The following HKDC1 variants were observed in gnomAD, a reference collection of about 807,000 sequenced individuals.
HKDC1 encodes hexokinase HKDC1.
A neutral mutation model predicts 96.6 loss-of-function variants in HKDC1; 66 were observed. That is an observed-to-expected ratio of 0.68 (90% CI 0.56 to 0.84). HKDC1 has a LOEUF of 0.84. Ranked by LOEUF, HKDC1 falls within the 40% of genes least tolerant of loss-of-function variation. The pLI, the probability that HKDC1 is intolerant of heterozygous loss-of-function variation, is 0.00. For missense variants in HKDC1, 1,211 were observed against 1,208.1 expected, an observed-to-expected ratio of 1.00 and a Z score of -0.04; for synonymous variants, 466 against 473.1, an observed-to-expected ratio of 0.98 and a Z score of 0.20.
In HKDC1 at chr10:69,250,622, A is replaced by G. The variant is rs1201368315; in HGVS notation, c.1806A>G (p.Ser602=). The G allele has an allele frequency of 6.2e-7, 1 of 1,613,714 alleles. No homozygotes were observed. Among genetic ancestry groups the G allele is most frequent in the Non-Finnish European group, 8.5e-7 (1 of 1,179,978 alleles). ...CCCTACCTTTGGGCTTCACATTCTC[A>G]TTTCCCTGCAGGCAGATGAGCATTG... is the stretch of plus-strand genomic sequence containing the variant. ...GASLPLGFTF[S]FPCRQMSIDK... Residue 602 remains serine (S), a synonymous_variant, in exon 12 of 18, where the codon TCA becomes TCG. Transcript: ENST00000354624.
At chr10:69,266,463 T>TAAA (rs35672201) in intron 17 of HKDC1, 147 bp from the exon 18 acceptor site, 31,210 of 540,874 alleles carry the variant, frequency 0.058, 82 homozygotes, top group South Asian at 0.11. Flanking sequence ...AGACCATGTC[T>TAAA]AAAAAAAAAA....
intron 14 of HKDC1, among the ~76,000 whole-genome samples, chr10:69,258,122 C>G (rs1253714817): frequency 6.6e-6 from 1 of 152,180 alleles, no homozygotes; most frequent in East Asian, 1.9e-4. Flanking sequence ...TGAGTTATCT[C>G]CCATGCCAGG....
chr10:69,236,571 G>A (rs187000066), intron 4 of HKDC1, among the ~76,000 whole-genome samples: 14 of 151,830 alleles, frequency 9.2e-5, no homozygotes, highest in African/African-American at 3.4e-4. Context: ...ACCTGAGGTC[G>A]GGAGTTCGAG....
At chr10:69,238,992 C>A in intron 4 of HKDC1, 50 bp from the exon 5 acceptor site, 2 of 1,354,442 alleles carry the variant, frequency 1.5e-6, no homozygotes, top group Non-Finnish European at 2.1e-6. Flanking sequence ...GGCTCAGTTG[C>A]ACATCTCAGC....
At chr10:69,255,651 T>C (rs1432221052) in intron 12 of HKDC1, among the ~76,000 whole-genome samples, 1 of 152,150 alleles carries the variant, frequency 6.6e-6, no homozygotes, top group Non-Finnish European at 1.5e-5. Context: ...GCACATCGGC[T>C]CACCCCTGTA....
At chr10:69,235,043 G>A (rs1306803365) in intron 4 of HKDC1, among the ~76,000 whole-genome samples, 1 of 151,050 alleles carries the variant, frequency 6.6e-6, no homozygotes, top group African/African-American at 2.4e-5. Flanking sequence ...CGGGAGGATT[G>A]CTTGAGCCAG....
At chr10:69,249,137 T>C (rs1006123575) in intron 10 of HKDC1, among the ~76,000 whole-genome samples, 1 of 152,116 alleles carries the variant, frequency 6.6e-6, no homozygotes, top group Non-Finnish European at 1.5e-5. Context: ...TTCCCTCTCA[T>C]TGCTTCTGCC....
rs1230394269 is a variant in HKDC1 at position 69,220,487 on chromosome 10, C to A, written c.52C>A (p.Gln18Lys). ...AFYFSKLKED[Q>K]IKKVDRFLYH... Reference sequence around the variant, plus strand: ...TTACTTCAGCAAGCTGAAGGAGGACCAGATCAAGAAGGTAAGGAGGACCCA... The same window carrying A: ...TTACTTCAGCAAGCTGAAGGAGGACAAGATCAAGAAGGTAAGGAGGACCCA... Residue 18 changes from glutamine to lysine, a missense_variant, in exon 1 of 18, where the codon CAG becomes AAG. By Grantham distance (53) the Gln-to-Lys change is moderately conservative. Transcript: ENST00000354624. The A allele has an allele frequency of 2.5e-6, 4 of 1,599,630 alleles. No homozygotes were observed. Among genetic ancestry groups the A allele is most frequent in the African/African-American group, 2.7e-5 (2 of 74,118 alleles).
chr10:69,233,218 G>C, intron 4 of HKDC1, 85 bp downstream of exon 4: 1 of 1,526,582 alleles, frequency 6.6e-7, no homozygotes. Context: ...ACGCAGGAGA[G>C]AACAGCAGGA....
chr10:69,233,263 C>T (rs1379785582), intron 4 of HKDC1, 130 bp downstream of exon 4: 1 of 1,312,740 alleles, frequency 7.6e-7, no homozygotes, highest in East Asian at 2.3e-5. Context: ...TCTTTTTGTT[C>T]ATGATGAGGT....
intron 12 of HKDC1, among the ~76,000 whole-genome samples, chr10:69,255,470 C>A (rs76941699): frequency 1.4e-3 from 219 of 152,298 alleles, no homozygotes; most frequent in African/African-American, 5.1e-3. Context: ...GATTTTCTCA[C>A]TGCCTTTCCT....
chr10:69,232,680 A>G (rs539517093), intron 2 of HKDC1, 84 bp from the exon 3 acceptor site: 139 of 1,273,574 alleles, frequency 1.1e-4, no homozygotes, highest in Non-Finnish European at 1.5e-4. Context: ...GAAGACGTTG[A>G]TTATATGTCC....
intron 6 of HKDC1, among the ~76,000 whole-genome samples, chr10:69,241,777 G>A (rs914551340): frequency 1.3e-5 from 2 of 152,162 alleles, no homozygotes; most frequent in African/African-American, 2.4e-5. Context: ...GAGCCACCAC[G>A]CCCGGCCGGA....
At chr10:69,256,982 T>C in intron 12 of HKDC1, 54 bp from the exon 13 acceptor site, 1 of 1,324,876 alleles carries the variant, frequency 7.5e-7, no homozygotes, top group Non-Finnish European at 1.1e-6. Context: ...GTTGAGGTTG[T>C]GCAGTGGCCC....
chr10:69,235,588 C>G (rs993132989), intron 4 of HKDC1, among the ~76,000 whole-genome samples: 4 of 152,108 alleles, frequency 2.6e-5, no homozygotes, highest in African/African-American at 9.7e-5. Context: ...TGGCTGGATC[C>G]TGTAGTGCAG....
chr10:69,249,556 C>T (rs750435187), intron 10 of HKDC1, among the ~76,000 whole-genome samples: 1 of 152,156 alleles, frequency 6.6e-6, no homozygotes, highest in Non-Finnish European at 1.5e-5. Context: ...AGTGCAGTAG[C>T]GTGATCTCCG....
At chr10:69,266,499 C>A in intron 17 of HKDC1, 111 bp from the exon 18 acceptor site, 2 of 1,159,720 alleles carry the variant, frequency 1.7e-6, no homozygotes, top group Non-Finnish European at 2.4e-6. Context: ...CTGTTTAGAG[C>A]CTTGAAAAGC....
rs201518882 is a variant in HKDC1 at position 69,247,586 on chromosome 10, C to T, written c.1258C>T (p.His420Tyr). 2.1e-4 allele frequency: 331 copies of T among 1,613,400 alleles called. 6 individuals carry two copies. The Admixed American group carries it at 5.4e-3, about 26-fold the overall frequency. Residue 420 changes from histidine to tyrosine, a missense_variant, in exon 9 of 18, where the codon CAC becomes TAC. Coordinates refer to ENST00000354624, the MANE Select transcript of HKDC1 (RefSeq NM_025130.4). Reference sequence around the variant, plus strand: ...CATGGACGGCACCCTCTACAAGATACACCCTCAGTGAGTGCTGCCTGCCAT... The same window carrying T: ...CATGGACGGCACCCTCTACAAGATATACCCTCAGTGAGTGCTGCCTGCCAT... ...VGMDGTLYKIHPQYPKRLHKV... is the reference protein window; with the variant it reads ...VGMDGTLYKIYPQYPKRLHKV...
Position 69,258,752 on chromosome 10 carries a change from A to C in HKDC1, c.2033-24A>C, listed in dbSNP as rs1385687074. The C allele has an allele frequency of 4.3e-6, 7 of 1,612,642 alleles. No individual in the cohort carries two copies. In the African/African-American group the frequency reaches 9.3e-5, roughly 22 times the overall value. ...AACCTGGTGATGTCTTTGAAGACTAAGGTTCCTTCACAATTCCTTCTAGGA... is the reference window on the plus strand; with the variant it reads ...AACCTGGTGATGTCTTTGAAGACTACGGTTCCTTCACAATTCCTTCTAGGA... On this transcript the variant is annotated intron_variant, in intron 14 of 17. Coordinates refer to ENST00000354624, the MANE Select transcript of HKDC1 (RefSeq NM_025130.4).
Sources: gnomAD v4.1 joint callset for allele counts (sites outside exome capture counted in the v4.1 genomes callset) on GRCh38, gnomAD v4.1.1 for gene constraint, MANE v1.5 for transcripts, NCBI Gene and HGNC (gene_info 2026-07-23, HGNC 2026-07-21) for gene names.